The following BOD1L1 variants were observed in gnomAD, a reference collection of about 807,000 sequenced individuals.
BOD1L1 encodes biorientation of chromosomes in cell division 1 like 1.
In BOD1L1, 86 loss-of-function variants were observed where a neutral mutation model predicts 240.7. The observed-to-expected ratio is 0.36, with a 90% confidence interval of 0.30 to 0.43. The LOEUF is 0.43. BOD1L1 is among the 20% of genes least tolerant of loss of function. The pLI is 1.00. For missense variants in BOD1L1, 3,554 were observed against 3,643.5 expected, an observed-to-expected ratio of 0.98 and a Z score of 0.63; for synonymous variants, 1,268 against 1,272.3, an observed-to-expected ratio of 1.00 and a Z score of 0.07.
intron 12 of BOD1L1, among the ~76,000 whole-genome samples, chr4:13,594,517 C>A (rs951303590): frequency 2.0e-5 from 3 of 152,164 alleles, no homozygotes; most frequent in African/African-American, 7.2e-5. Context: ...CATTATTTGT[C>A]TTACAGACTC....
intron 7 of BOD1L1, 90 bp from the exon 8 acceptor site, chr4:13,608,758 G>T (rs1287657979): frequency 2.7e-5 from 31 of 1,138,384 alleles, no homozygotes; most frequent in Non-Finnish European, 3.2e-5. Context: ...TCTAATCATT[G>T]TTAAAGCCAA....
intron 12 of BOD1L1, among the ~76,000 whole-genome samples, chr4:13,594,230 A>C (rs1437594971): frequency 2.0e-5 from 3 of 152,196 alleles, no homozygotes; most frequent in Non-Finnish European, 4.4e-5. Context: ...AATCACCCTG[A>C]CTGTTTACTC....
chr4:13,601,761 A>G lies in BOD1L1; in HGVS notation c.5139T>C (p.Asn1713=), dbSNP rs1715199336. Residue 1713 remains asparagine (N), a synonymous_variant, in exon 10 of 26, where the codon AAT becomes AAC. Transcript: ENST00000040738. ...SSEEVDGSQG[N]MMRMGPKKET... Reference sequence around the variant, plus strand: ...CTTTTTTGGGACCCATTCTCATCATATTTCCCTGGGAGCCATCCACCTCTT... The same window carrying G: ...CTTTTTTGGGACCCATTCTCATCATGTTTCCCTGGGAGCCATCCACCTCTT... 1 of 1,613,432 alleles carries G rather than the reference A, an allele frequency of 6.2e-7. No individual in the cohort carries two copies. The highest frequency in any genetic ancestry group is 1.3e-5 in the African/African-American group (1 of 74,764).
chr4:13,597,047 G>A (rs1714675957), intron 11 of BOD1L1, 57 bp downstream of exon 11: 7 of 1,319,134 alleles, frequency 5.3e-6, no homozygotes, highest in Non-Finnish European at 7.5e-6. Flanking sequence ...ATGTGTATAT[G>A]TGATGAAACA....
chr4:13,585,550 G>A (rs779637741), intron 17 of BOD1L1, among the ~76,000 whole-genome samples: 27 of 152,056 alleles, frequency 1.8e-4, no homozygotes, highest in Non-Finnish European at 3.4e-4. Flanking sequence ...TTGTGAGGAG[G>A]TTCTGTGAGT....
At chr4:13,587,416 C>T (rs1159847846) in intron 16 of BOD1L1, among the ~76,000 whole-genome samples, 4 of 152,148 alleles carry the variant, frequency 2.6e-5, no homozygotes, top group African/African-American at 9.7e-5. Context: ...AAAATACAGA[C>T]TGTAGTGGCA....
intron 19 of BOD1L1, among the ~76,000 whole-genome samples, 186 bp from the exon 20 acceptor site, chr4:13,581,393 C>T (rs1713221530): frequency 6.6e-6 from 1 of 152,116 alleles, no homozygotes; most frequent in Non-Finnish European, 1.5e-5. Flanking sequence ...ATTGCTTCTT[C>T]AACCTGATAA....
In BOD1L1 at chr4:13,614,246, G is replaced by A; in HGVS notation, c.1124C>T (p.Pro375Leu). 6.5e-7 allele frequency: 1 copy of A among 1,533,616 alleles called. No individual in the cohort carries two copies. The highest frequency in any genetic ancestry group is 1.3e-5 in the South Asian group (1 of 79,192). ...AGCTTTATTACTGTTCTTTTCTGAA[G>A]GAAGTTTTAAACTCTCTACTTCTTT... is the stretch of plus-strand genomic sequence containing the variant. ...KEKEVESLKL[P>L]SEKNSNKAKT... The change falls in exon 4 of 26, where the codon CCT becomes CTT. Residue 375 changes from proline to leucine, a missense_variant. Transcript: ENST00000040738.
chr4:13,570,004 G>T lies in BOD1L1; in HGVS notation c.*7C>A. 6.3e-7 allele frequency: 1 copy of T among 1,585,524 alleles called. No homozygotes were observed. Among genetic ancestry groups the T allele is most frequent in the Non-Finnish European group, 8.6e-7 (1 of 1,167,158 alleles). On this transcript the variant is annotated 3_prime_UTR_variant, in exon 26 of 26. Coordinates refer to ENST00000040738, the MANE Select transcript of BOD1L1 (RefSeq NM_148894.3). ...CCTCCATAAGCCTAGGGCAGCAGTGGTCAGGATTATCGCTTCGCTTTTTTC... is the reference window on the plus strand; with the variant it reads ...CCTCCATAAGCCTAGGGCAGCAGTGTTCAGGATTATCGCTTCGCTTTTTTC...
chr4:13,584,637 C>G (rs889444325), intron 17 of BOD1L1, among the ~76,000 whole-genome samples: 1 of 152,150 alleles, frequency 6.6e-6, no homozygotes, highest in Non-Finnish European at 1.5e-5. Context: ...TGTTTTTGAA[C>G]TGGCTCTTTC....
At chr4:13,589,396 G>A (rs557166966) in intron 14 of BOD1L1, among the ~76,000 whole-genome samples, 50 of 152,274 alleles carry the variant, frequency 3.3e-4, no homozygotes, top group African/African-American at 1.1e-3. Context: ...ACCTACATGT[G>A]CAAAATAATG....
rs763846477 is a variant in BOD1L1 at position 13,604,003 on chromosome 4, T to C, written c.2897A>G (p.Glu966Gly). ...TAATACAGGTTCAACACCAGTTTCT[T>C]CAAAAGGTTTGTCTTCAACTTTAGA... ...RKSKVEDKPF[E>G]ETGVEPVLET... is the part of the protein sequence containing the mutation. Residue 966 changes from glutamate (E) to glycine (G), a missense_variant, in exon 10 of 26, where the codon GAA becomes GGA. Physicochemically the swap from Glu to Gly is moderately conservative, Grantham distance 98. Coordinates refer to ENST00000040738, the MANE Select transcript of BOD1L1 (RefSeq NM_148894.3). 21 of 1,613,828 alleles carry C rather than the reference T, an allele frequency of 1.3e-5. No individual in the cohort carries two copies. The African/African-American group carries it at 2.7e-4, about 21-fold the overall frequency.
In BOD1L1 at chr4:13,602,741, C is replaced by T; in HGVS notation, c.4159G>A (p.Gly1387Arg). The T allele has an allele frequency of 6.2e-7, 1 of 1,613,990 alleles. No homozygotes were observed. The highest frequency in any genetic ancestry group is 8.5e-7 in the Non-Finnish European group (1 of 1,179,886). ...ACAATCACGCCCGTTAACTTACTTC[C>T]AAGAGGCATGATTACCTTTCCTTGT... The part of the protein sequence containing the change: ...GKQGKVIMPL[G>R]SKLTGVIVEN... The change falls in exon 10 of 26, where the codon GGA becomes AGA. Residue 1387 changes from glycine (G) to arginine (R), a missense_variant. Gly to Arg is a moderately radical substitution (Grantham distance 125). Transcript: ENST00000040738.
intron 5 of BOD1L1, 92 bp from the exon 6 acceptor site, chr4:13,611,192 G>A (rs1716142822): frequency 1.1e-6 from 1 of 879,292 alleles, no homozygotes; most frequent in Admixed American, 3.3e-5. Flanking sequence ...AGATGAATTG[G>A]AGGTCCAAAA....
chr4:13,606,683 G>A (rs1715731053), intron 9 of BOD1L1, among the ~76,000 whole-genome samples: 1 of 152,106 alleles, frequency 6.6e-6, no homozygotes, highest in Non-Finnish European at 1.5e-5. Flanking sequence ...TGCCTAGAAG[G>A]TAACATGAAA....
At chr4:13,586,623 T>A (rs1272852630) in intron 16 of BOD1L1, 148 bp from the exon 17 acceptor site, 1 of 487,808 alleles carries the variant, frequency 2.0e-6, no homozygotes. Flanking sequence ...TAATATCATG[T>A]GATTTGAGCA....
Position 13,608,772 on chromosome 4 carries a change from G to A in BOD1L1, c.1604-104C>T, listed in dbSNP as rs1715931608. 3 of 949,496 alleles carry A rather than the reference G, an allele frequency of 3.2e-6. No individual in the cohort carries two copies. In the South Asian group the frequency reaches 7.6e-5, roughly 24 times the overall value. The allele number at this position is 949,496 out of a possible 1,614,324, so 58.8% of individuals were successfully genotyped here. A position where few individuals can be genotyped will look rare whatever the true frequency, so the allele number is the denominator to read the frequency against. ...TTCTAATCATTGTTAAAGCCAAAAT[G>A]GCTTTAATATTCTTAAGTTGTGCTG... On this transcript the variant is annotated intron_variant, in intron 7 of 25. Coordinates refer to ENST00000040738, the MANE Select transcript of BOD1L1 (RefSeq NM_148894.3).
chr4:13,615,047 T>C (rs1390449958), intron 3 of BOD1L1, among the ~76,000 whole-genome samples: 2 of 152,202 alleles, frequency 1.3e-5, no homozygotes, highest in African/African-American at 4.8e-5. Context: ...GTCTACTTCC[T>C]AGAAAAAGAC....
At chr4:13,615,211 T>C (rs1716494069) in intron 3 of BOD1L1, 101 bp downstream of exon 3, 1 of 1,194,306 alleles carries the variant, frequency 8.4e-7, no homozygotes, top group Non-Finnish European at 1.2e-6. Context: ...TTCATTGGAA[T>C]AGCCAAATTA....
Sources: gnomAD v4.1 joint callset for allele counts (sites outside exome capture counted in the v4.1 genomes callset) on GRCh38, gnomAD v4.1.1 for gene constraint, MANE v1.5 for transcripts, NCBI Gene and HGNC (gene_info 2026-07-23, HGNC 2026-07-21) for gene names.